SGCZ: variants seen among roughly 807,000 people sequenced by gnomAD.
SGCZ encodes the protein sarcoglycan zeta, also known as zeta-sarcoglycan.
In SGCZ, 40 loss-of-function variants were observed where a neutral mutation model predicts 41.3. The ratio of observed to expected loss-of-function variants is 0.97; its 90% CI spans 0.75 to 1.26. The LOEUF is 1.26. Among genes scored for constraint, SGCZ ranks in the 50% most tolerant of loss-of-function variants. SGCZ has a pLI of 0.00. For synonymous variants in SGCZ, 206 were observed against 137.5 expected (o/e 1.50, Z -3.49); for missense variants, 552 against 369.8 (o/e 1.49, Z -4.04).
chr8:14,931,995 C>T (rs1357529667), intron 1 of SGCZ, among the ~76,000 whole-genome samples: 1 of 151,802 alleles, frequency 6.6e-6, no homozygotes, highest in South Asian at 2.1e-4. Flanking sequence ...CATCATATTT[C>T]CATAATTAAA....
At chr8:14,885,587 G>C (rs565389341) in intron 1 of SGCZ, among the ~76,000 whole-genome samples, 2 of 151,992 alleles carry the variant, frequency 1.3e-5, no homozygotes, top group Admixed American at 6.6e-5. Context: ...TTTTCACTGA[G>C]GGAAGGTGTC....
chr8:14,153,354 A>C (rs1268370412), intron 5 of SGCZ, among the ~76,000 whole-genome samples: 1 of 152,178 alleles, frequency 6.6e-6, no homozygotes, highest in Admixed American at 6.5e-5. Flanking sequence ...TTCCAGGGGA[A>C]AGTTTTGACT....
At chr8:14,959,414 T>A (rs1266871294) in intron 1 of SGCZ, among the ~76,000 whole-genome samples, 2 of 152,146 alleles carry the variant, frequency 1.3e-5, no homozygotes, top group African/African-American at 2.4e-5. Context: ...TCCATGGATA[T>A]CGTACATAGA....
intron 2 of SGCZ, among the ~76,000 whole-genome samples, chr8:14,451,669 A>T (rs1418463124): frequency 6.6e-6 from 1 of 152,256 alleles, no homozygotes; most frequent in African/African-American, 2.4e-5. Context: ...ACCTGATTTT[A>T]AAAATGGGCA....
chr8:14,256,400 G>A (rs2117220625), intron 3 of SGCZ, among the ~76,000 whole-genome samples: 1 of 152,146 alleles, frequency 6.6e-6, no homozygotes, highest in Non-Finnish European at 1.5e-5. Context: ...TCCCTAGATG[G>A]AACTTGTTAG....
At chr8:14,297,449 G>C (rs1008526546) in intron 3 of SGCZ, among the ~76,000 whole-genome samples, 4 of 151,450 alleles carry the variant, frequency 2.6e-5, no homozygotes, top group South Asian at 2.1e-4. Flanking sequence ...AAAGGGAAAA[G>C]TATCAAAAAC....
intron 2 of SGCZ, among the ~76,000 whole-genome samples, chr8:14,357,609 T>G (rs992032661): frequency 1.3e-5 from 2 of 152,170 alleles, no homozygotes; most frequent in African/African-American, 4.8e-5. Context: ...TAACAACTAC[T>G]TAACATCAAC....
chr8:14,645,402 T>G (rs1807174224), intron 1 of SGCZ, among the ~76,000 whole-genome samples: 1 of 148,034 alleles, frequency 6.8e-6, no homozygotes, highest in Non-Finnish European at 1.5e-5. Flanking sequence ...TCTAAAACTT[T>G]TTACACAGCC....
intron 2 of SGCZ, among the ~76,000 whole-genome samples, chr8:14,412,159 T>C (rs955727153): frequency 1.3e-5 from 2 of 152,088 alleles, no homozygotes; most frequent in African/African-American, 2.4e-5. Flanking sequence ...GAAATAGTAA[T>C]GTAAAGATAA....
intron 5 of SGCZ, among the ~76,000 whole-genome samples, chr8:14,113,312 C>G (rs1802429156): frequency 6.6e-6 from 1 of 152,064 alleles, no homozygotes; most frequent in African/African-American, 2.4e-5. Context: ...ATGCAGATTT[C>G]TTCATTCTCT....
chr8:15,009,732 T>A (rs1008638251), intron 1 of SGCZ, among the ~76,000 whole-genome samples: 2 of 152,226 alleles, frequency 1.3e-5, no homozygotes, highest in Non-Finnish European at 2.9e-5. Flanking sequence ...TCCCTCACAC[T>A]CTTCATATCT....
At chr8:14,934,161 A>G (rs1041848319) in intron 1 of SGCZ, among the ~76,000 whole-genome samples, 7 of 152,010 alleles carry the variant, frequency 4.6e-5, no homozygotes, top group African/African-American at 1.7e-4. Flanking sequence ...AAACTTATGG[A>G]CAGTGTTCTA....
At chr8:14,791,897 A>T (rs556813883) in intron 1 of SGCZ, among the ~76,000 whole-genome samples, 9 of 152,330 alleles carry the variant, frequency 5.9e-5, no homozygotes, top group African/African-American at 2.2e-4. Flanking sequence ...GGTTACCTAA[A>T]TCAATTCTAG....
intron 1 of SGCZ, among the ~76,000 whole-genome samples, chr8:14,702,288 T>G (rs1424579979): frequency 6.6e-6 from 1 of 151,936 alleles, no homozygotes; most frequent in Non-Finnish European, 1.5e-5. Flanking sequence ...TCTCTCTGTG[T>G]TTTTCCTTTA....
chr8:14,843,530 A>G (rs1390938871), intron 1 of SGCZ, among the ~76,000 whole-genome samples: 1 of 152,132 alleles, frequency 6.6e-6, no homozygotes, highest in Non-Finnish European at 1.5e-5. Flanking sequence ...TAAACACTAA[A>G]TTAAATAGTG....
intron 1 of SGCZ, among the ~76,000 whole-genome samples, chr8:14,911,835 T>C (rs772216706): frequency 6.6e-6 from 1 of 151,892 alleles, no homozygotes; most frequent in African/African-American, 2.4e-5. Context: ...ACATCTTATC[T>C]CTACATGGAA....
chr8:14,106,268 CAAT>C (rs1459756461), intron 6 of SGCZ, among the ~76,000 whole-genome samples: 2 of 152,030 alleles, frequency 1.3e-5, no homozygotes, highest in African/African-American at 4.8e-5. Flanking sequence ...AAGAAAGATA[CAAT>C]AAATATTTTC....
At chr8:15,147,220 C>T (rs941331769) in intron 1 of SGCZ, among the ~76,000 whole-genome samples, 2 of 152,162 alleles carry the variant, frequency 1.3e-5, no homozygotes, top group Admixed American at 1.3e-4. Context: ...CACATTCTAT[C>T]ATCCTCACTC....
intron 1 of SGCZ, among the ~76,000 whole-genome samples, chr8:15,125,006 A>T (rs1469689730): frequency 6.6e-6 from 1 of 152,162 alleles, no homozygotes; most frequent in Admixed American, 6.5e-5. Context: ...TATATATAGT[A>T]ACCTTTTATG....
Sources: gnomAD v4.1 joint callset for allele counts (sites outside exome capture counted in the v4.1 genomes callset) on GRCh38, gnomAD v4.1.1 for gene constraint, MANE v1.5 for transcripts, NCBI Gene and HGNC (gene_info 2026-07-23, HGNC 2026-07-21) for gene names.